GUCY1A2: variants seen among roughly 807,000 people sequenced by gnomAD.
GUCY1A2 encodes the protein guanylate cyclase soluble subunit alpha-2.
In GUCY1A2, 27 loss-of-function variants were observed where a neutral mutation model predicts 63.5. The observed-to-expected ratio is 0.43, with a 90% confidence interval of 0.31 to 0.59. The LOEUF (loss-of-function observed/expected upper bound fraction) is 0.59, where lower values mean the gene tolerates loss of function less well. GUCY1A2 is among the 20% of genes least tolerant of loss of function. The pLI, the probability that GUCY1A2 is intolerant of heterozygous loss-of-function variation, is 0.11. For missense variants in GUCY1A2, 768 were observed against 913.3 expected (o/e 0.84, Z 2.05); for synonymous variants, 364 against 343.5 (o/e 1.06, Z -0.66).
chr11:106,801,405 G>T (rs532611405), intron 5 of GUCY1A2, among the ~76,000 whole-genome samples: 1 of 152,024 alleles, frequency 6.6e-6, no homozygotes, highest in African/African-American at 2.4e-5. Flanking sequence ...ATTGATAAAT[G>T]AATATCTCAT....
intron 3 of GUCY1A2, among the ~76,000 whole-genome samples, chr11:106,957,127 C>CCTGGCT (rs1335019841): frequency 3.3e-5 from 5 of 152,200 alleles, no homozygotes; most frequent in Non-Finnish European, 5.9e-5. Context: ...GTCCAGCCTC[C>CCTGGCT]CTGGCTCTAG....
intron 4 of GUCY1A2, among the ~76,000 whole-genome samples, chr11:106,920,778 A>T (rs1267445726): frequency 6.6e-6 from 1 of 152,152 alleles, no homozygotes; most frequent in Non-Finnish European, 1.5e-5. Flanking sequence ...TACTGAATAA[A>T]GTCGATCGCA....
intron 4 of GUCY1A2, among the ~76,000 whole-genome samples, chr11:106,844,378 T>A (rs2135446158): frequency 6.6e-6 from 1 of 151,910 alleles, no homozygotes; most frequent in Admixed American, 6.6e-5. Flanking sequence ...GTGCAATACC[T>A]AAGAAACATT....
intron 4 of GUCY1A2, among the ~76,000 whole-genome samples, chr11:106,847,070 T>C (rs1286650496): frequency 2.0e-5 from 3 of 151,260 alleles, no homozygotes; most frequent in Non-Finnish European, 4.4e-5. Flanking sequence ...GCTCAAATTC[T>C]CATTATCAGC....
At chr11:106,709,096 T>C (rs1207660684) in intron 6 of GUCY1A2, among the ~76,000 whole-genome samples, 1 of 137,800 alleles carries the variant, frequency 7.3e-6, no homozygotes, top group Admixed American at 7.9e-5. Flanking sequence ...TTCTGTTTAT[T>C]TTGTTTAAAT....
rs766941507 is a variant in GUCY1A2, at chr11:106,810,281, C to T, written c.1404G>A (p.Arg468=). Residue 468 remains arginine (R), a synonymous_variant, in exon 5 of 8, where the codon AGG becomes AGA. Coordinates refer to ENST00000526355, the MANE Select transcript of GUCY1A2 (RefSeq NM_000855.3). ...QAKAQDGLKK[R]MDKLKATLER... is the part of the protein sequence containing the mutation. ...CTAAAGTTGCCTTTAATTTATCCAT[C>T]CTTTTCTTCAACCCATCTTGGGCCT... 2 of 1,613,920 alleles carry T rather than the reference C, an allele frequency of 1.2e-6. No individual in the cohort carries two copies. The highest frequency in any genetic ancestry group is 2.7e-5 in the African/African-American group (2 of 75,032).
intron 4 of GUCY1A2, among the ~76,000 whole-genome samples, chr11:106,845,239 TTAAAA>T (rs1429184354): frequency 2.6e-5 from 4 of 151,188 alleles, no homozygotes; most frequent in Non-Finnish European, 3.0e-5. Flanking sequence ...TTCTTCTTAA[TTAAAA>T]TAAAACAAAA....
Position 106,786,153 on chromosome 11 carries a change from C to T in GUCY1A2, c.1693-9571G>A, listed in dbSNP as rs965028477. ...TTGAGCTCAATTAAACACACCCAAGCTCATTGTACATAATGATTTAGCAAT... is the reference window on the plus strand; with the variant it reads ...TTGAGCTCAATTAAACACACCCAAGTTCATTGTACATAATGATTTAGCAAT... On this transcript the variant is annotated intron_variant, in intron 5 of 7. Transcript: ENST00000526355. Among the ~76,000 whole-genome samples, 4 of 152,134 alleles carry T rather than the reference C, an allele frequency of 2.6e-5. No homozygotes were observed. The East Asian group carries it at 5.8e-4, about 22-fold the overall frequency.
chr11:106,692,869 C>T (rs996196776), intron 7 of GUCY1A2, among the ~76,000 whole-genome samples: 5 of 152,194 alleles, frequency 3.3e-5, no homozygotes, highest in Non-Finnish European at 5.9e-5. Context: ...CCCTGGACAA[C>T]CCCATGGACA....
chr11:106,905,889 C>T (rs1477257932), intron 4 of GUCY1A2, among the ~76,000 whole-genome samples: 1 of 152,004 alleles, frequency 6.6e-6, no homozygotes, highest in African/African-American at 2.4e-5. Flanking sequence ...TGCAGCAACA[C>T]GTATAAGATG....
intron 5 of GUCY1A2, among the ~76,000 whole-genome samples, chr11:106,806,079 A>G (rs1376331177): frequency 1.3e-5 from 2 of 152,156 alleles, no homozygotes; most frequent in Non-Finnish European, 2.9e-5. Flanking sequence ...GTGTGTATAT[A>G]TACACACACA....
At chr11:106,695,966 C>G (rs1862711333) in intron 7 of GUCY1A2, among the ~76,000 whole-genome samples, 2 of 152,112 alleles carry the variant, frequency 1.3e-5, no homozygotes, top group Admixed American at 1.3e-4. Context: ...CAGAGAGTCT[C>G]AGAGGCACTT....
At chr11:106,956,735 C>T (rs1247821204) in intron 3 of GUCY1A2, among the ~76,000 whole-genome samples, 3 of 152,150 alleles carry the variant, frequency 2.0e-5, no homozygotes, top group African/African-American at 7.2e-5. Flanking sequence ...TGTCTGACAA[C>T]CCCTGTTGGA....
intron 4 of GUCY1A2, among the ~76,000 whole-genome samples, chr11:106,835,249 C>A (rs1859101366): frequency 6.6e-6 from 1 of 151,516 alleles, no homozygotes; most frequent in Non-Finnish European, 1.5e-5. Context: ...GAAAATAGAA[C>A]CTTTATAAAT....
At chr11:106,876,230 AAAG>A (rs759898456) in intron 4 of GUCY1A2, among the ~76,000 whole-genome samples, 35 of 152,216 alleles carry the variant, frequency 2.3e-4, no homozygotes, top group Admixed American at 9.2e-4. Flanking sequence ...TGAATGAGAA[AAAG>A]AAGAATCCCT....
At chr11:106,859,266 C>T (rs1480308847) in intron 4 of GUCY1A2, among the ~76,000 whole-genome samples, 1 of 151,476 alleles carries the variant, frequency 6.6e-6, no homozygotes, top group Non-Finnish European at 1.5e-5. Flanking sequence ...TGTGTTAAGG[C>T]TTGGTATTTT....
chr11:106,827,272 T>C, intron 4 of GUCY1A2: 11 of 1,553,570 alleles, frequency 7.1e-6, no homozygotes, highest in South Asian at 3.3e-5. Flanking sequence ...GGTTCTTTTA[T>C]ATGCAATTTT....
chr11:106,932,685 C>A (rs1161174123), intron 4 of GUCY1A2, among the ~76,000 whole-genome samples: 1 of 152,186 alleles, frequency 6.6e-6, no homozygotes, highest in Non-Finnish European at 1.5e-5. Context: ...GCAAAAAGAA[C>A]AAAGCCAGAG....
intron 4 of GUCY1A2, among the ~76,000 whole-genome samples, chr11:106,847,342 CAT>C (rs903063705): frequency 4.7e-5 from 7 of 150,510 alleles, no homozygotes; most frequent in East Asian, 1.9e-4. Flanking sequence ...GATAAAATGA[CAT>C]ATGATAAAAT....
Sources: gnomAD v4.1 joint callset for allele counts (sites outside exome capture counted in the v4.1 genomes callset) on GRCh38, gnomAD v4.1.1 for gene constraint, MANE v1.5 for transcripts, NCBI Gene and HGNC (gene_info 2026-07-23, HGNC 2026-07-21) for gene names.